MACROD2: variants seen among roughly 807,000 people sequenced by gnomAD.
The protein encoded by MACROD2 is ADP-ribose glycohydrolase MACROD2.
A neutral mutation model predicts 70.4 loss-of-function variants in MACROD2; 36 were observed. The observed-to-expected ratio is 0.51, with a 90% confidence interval of 0.39 to 0.68. MACROD2 has a LOEUF of 0.68. Among genes scored for constraint, MACROD2 ranks in the 30% least tolerant of loss-of-function variants. MACROD2 has a pLI of 0.00. For missense variants in MACROD2, 496 were observed against 538.4 expected, an observed-to-expected ratio of 0.92 and a Z score of 0.78; for synonymous variants, 172 against 178.8, an observed-to-expected ratio of 0.96 and a Z score of 0.30.
At chr20:14,788,303 G>A (rs760975160) in intron 5 of MACROD2, among the ~76,000 whole-genome samples, 10 of 152,042 alleles carry the variant, frequency 6.6e-5, no homozygotes, top group Non-Finnish European at 7.4e-5. Flanking sequence ...GAAGGACTGT[G>A]GCCCGGTGCG....
chr20:15,823,044 C>A (rs1207821324), intron 8 of MACROD2, among the ~76,000 whole-genome samples: 1 of 152,166 alleles, frequency 6.6e-6, no homozygotes, highest in South Asian at 2.1e-4. Context: ...TGGCTTATGA[C>A]CCACAGACAA....
chr20:15,921,658 G>A (rs1030642243), intron 10 of MACROD2, among the ~76,000 whole-genome samples: 1 of 152,182 alleles, frequency 6.6e-6, no homozygotes, highest in Non-Finnish European at 1.5e-5. Context: ...CCCTTCGTTA[G>A]CACGTATCAT....
At chr20:15,656,280 A>T (rs1170487286) in intron 8 of MACROD2, among the ~76,000 whole-genome samples, 4 of 152,228 alleles carry the variant, frequency 2.6e-5, no homozygotes, top group African/African-American at 9.6e-5. Context: ...AGGAATGCAT[A>T]AAAGAGTCAG....
intron 6 of MACROD2, among the ~76,000 whole-genome samples, chr20:15,424,078 C>T (rs1192007626): frequency 6.6e-6 from 1 of 152,088 alleles, no homozygotes; most frequent in Non-Finnish European, 1.5e-5. Flanking sequence ...CTCATGAGGC[C>T]TCCACCCTCA....
At chr20:15,068,851 T>C (rs529025465) in intron 5 of MACROD2, among the ~76,000 whole-genome samples, 1 of 152,292 alleles carries the variant, frequency 6.6e-6, no homozygotes, top group Non-Finnish European at 1.5e-5. Context: ...GTAAAGATAC[T>C]TGAAGATGTG....
chr20:15,142,122 T>C (rs1462259958), intron 5 of MACROD2, among the ~76,000 whole-genome samples: 2 of 152,212 alleles, frequency 1.3e-5, no homozygotes, highest in Admixed American at 6.5e-5. Context: ...ACCTGTTAAT[T>C]ATAAACTCCT....
chr20:14,173,981 G>C (rs1369629508), intron 3 of MACROD2, among the ~76,000 whole-genome samples: 2 of 152,168 alleles, frequency 1.3e-5, no homozygotes, highest in Non-Finnish European at 2.9e-5. Flanking sequence ...ACCATTTTCA[G>C]GTTTCTCAAC....
intron 3 of MACROD2, among the ~76,000 whole-genome samples, chr20:14,291,849 C>T (rs768904788): frequency 1.7e-4 from 26 of 151,814 alleles, no homozygotes; most frequent in South Asian, 4.1e-4. Context: ...TTACCTATTA[C>T]GTATCTTAGG....
intron 5 of MACROD2, among the ~76,000 whole-genome samples, chr20:15,213,104 A>G (rs529831604): frequency 7.2e-5 from 11 of 152,328 alleles, no homozygotes; most frequent in Middle Eastern, 3.4e-3. Flanking sequence ...GCTGTAGCCA[A>G]AAGCAAGTTA....
chr20:14,124,535 A>G (rs575019231), intron 3 of MACROD2, among the ~76,000 whole-genome samples: 2 of 152,308 alleles, frequency 1.3e-5, no homozygotes, highest in East Asian at 3.9e-4. Flanking sequence ...TTCTTACATG[A>G]TCCTGGAACT....
At chr20:16,038,593 TAAACTACTTTGCCGTA>T (rs2067266279) in intron 15 of MACROD2, among the ~76,000 whole-genome samples, 1 of 151,750 alleles carries the variant, frequency 6.6e-6, no homozygotes. Flanking sequence ...AGCTCTCTGA[TAAACTACTTTGCCGTA>T]AAAATTATTC....
intron 2 of MACROD2, among the ~76,000 whole-genome samples, chr20:14,084,603 A>G (rs1035770370): frequency 8.5e-5 from 13 of 152,204 alleles, no homozygotes; most frequent in African/African-American, 3.1e-4. Context: ...ACTCAAGTTT[A>G]TAGTCTTGCT....
At chr20:14,076,994 C>G (rs1318164035) in intron 2 of MACROD2, among the ~76,000 whole-genome samples, 1 of 152,080 alleles carries the variant, frequency 6.6e-6, no homozygotes, top group Non-Finnish European at 1.5e-5. Context: ...ATGTGTTTAA[C>G]TTTTTTAGGT....
chr20:16,028,790 G>A (rs1445110588), intron 15 of MACROD2, among the ~76,000 whole-genome samples: 7 of 152,182 alleles, frequency 4.6e-5, no homozygotes, highest in East Asian at 3.9e-4. Flanking sequence ...GACGAAGAGA[G>A]GTTCAGTGGT....
intron 3 of MACROD2, among the ~76,000 whole-genome samples, chr20:14,334,334 G>A (rs1376454351): frequency 6.6e-6 from 1 of 152,160 alleles, no homozygotes; most frequent in Non-Finnish European, 1.5e-5. Flanking sequence ...TTCTTAAGAG[G>A]AAGAATGCTG....
chr20:15,255,643 T>A (rs561843654), intron 6 of MACROD2, among the ~76,000 whole-genome samples: 3 of 152,242 alleles, frequency 2.0e-5, no homozygotes, highest in Admixed American at 6.6e-5. Flanking sequence ...GTGTTGATGA[T>A]CAAGTCATTG....
chr20:14,940,013 G>A (rs918224598), intron 5 of MACROD2, among the ~76,000 whole-genome samples: 2 of 151,512 alleles, frequency 1.3e-5, no homozygotes, highest in Non-Finnish European at 2.9e-5. Context: ...AGAATCTTAA[G>A]GTTTTCCTAA....
At chr20:14,823,556 C>T (rs1389469696) in intron 5 of MACROD2, among the ~76,000 whole-genome samples, 1 of 152,014 alleles carries the variant, frequency 6.6e-6, no homozygotes, top group Non-Finnish European at 1.5e-5. Context: ...TACCAGCCAT[C>T]GCATTAAGAA....
chr20:15,787,525 C>A (rs1290766151), intron 8 of MACROD2, among the ~76,000 whole-genome samples: 1 of 151,946 alleles, frequency 6.6e-6, no homozygotes, highest in Non-Finnish European at 1.5e-5. Context: ...CATGTGTACC[C>A]AATGTTTAGC....
Sources: gnomAD v4.1 joint callset for allele counts (sites outside exome capture counted in the v4.1 genomes callset) on GRCh38, gnomAD v4.1.1 for gene constraint, MANE v1.5 for transcripts, NCBI Gene and HGNC (gene_info 2026-07-23, HGNC 2026-07-21) for gene names.